The following SH3RF3 variants were observed in gnomAD, a reference collection of about 807,000 sequenced individuals.
SH3RF3 encodes E3 ubiquitin-protein ligase SH3RF3.
A neutral mutation model predicts 66.3 loss-of-function variants in SH3RF3; 29 were observed. That is an observed-to-expected ratio of 0.44 (90% CI 0.33 to 0.60). The LOEUF is 0.60. Ranked by LOEUF, SH3RF3 falls within the 20% of genes least tolerant of loss-of-function variation. SH3RF3 has a pLI of 0.04. For synonymous variants in SH3RF3, 583 were observed against 532.0 expected (o/e 1.10, Z -1.32); for missense variants, 1,194 against 1,190.9 (o/e 1.00, Z -0.04).
intron 7 of SH3RF3, among the ~76,000 whole-genome samples, chr2:109,447,892 A>G (rs1417569461): frequency 2.0e-5 from 3 of 152,220 alleles, no homozygotes; most frequent in Non-Finnish European, 4.4e-5. Flanking sequence ...CACAGTTGTA[A>G]GGTTCCAGTT....
At chr2:109,282,354 C>G (rs542921793) in intron 1 of SH3RF3, among the ~76,000 whole-genome samples, 2 of 152,212 alleles carry the variant, frequency 1.3e-5, no homozygotes, top group East Asian at 3.9e-4. Context: ...AAATCTACCC[C>G]AGGGGAAAAG....
intron 1 of SH3RF3, among the ~76,000 whole-genome samples, chr2:109,219,583 A>G (rs1175522622): frequency 6.6e-6 from 1 of 152,232 alleles, no homozygotes; most frequent in Admixed American, 6.5e-5. Context: ...TTTCAGAGCT[A>G]GTAAATGAAT....
chr2:109,435,399 T>C (rs1369881027), intron 6 of SH3RF3, among the ~76,000 whole-genome samples: 1 of 152,238 alleles, frequency 6.6e-6, no homozygotes, highest in Non-Finnish European at 1.5e-5. Context: ...CTGGCAGTGA[T>C]TGGAGGGTAG....
chr2:109,177,077 T>C (rs1036654815), intron 1 of SH3RF3, among the ~76,000 whole-genome samples: 5 of 152,106 alleles, frequency 3.3e-5, no homozygotes, highest in African/African-American at 1.2e-4. Context: ...TGTTCCAGAG[T>C]CTGAGACAAT....
intron 1 of SH3RF3, among the ~76,000 whole-genome samples, chr2:109,181,441 G>A (rs1309919394): frequency 1.3e-5 from 2 of 152,040 alleles, no homozygotes; most frequent in African/African-American, 2.4e-5. Context: ...GTTGCATCTG[G>A]CGCTGTAAGG....
intron 1 of SH3RF3, among the ~76,000 whole-genome samples, chr2:109,260,016 C>G (rs1680312232): frequency 6.6e-6 from 1 of 152,130 alleles, no homozygotes; most frequent in Non-Finnish European, 1.5e-5. Flanking sequence ...ATATCTTTTC[C>G]AAGTAGTAAT....
intron 1 of SH3RF3, among the ~76,000 whole-genome samples, chr2:109,344,131 A>G (rs1189085144): frequency 5.9e-5 from 9 of 152,132 alleles, no homozygotes; most frequent in East Asian, 1.9e-4. Context: ...TTAACAGCAT[A>G]TAGAGGGGAC....
intron 1 of SH3RF3, among the ~76,000 whole-genome samples, chr2:109,189,906 C>G (rs1678302336): frequency 1.3e-5 from 2 of 152,162 alleles, no homozygotes; most frequent in South Asian, 4.1e-4. Flanking sequence ...ACTTTCTGCA[C>G]TTGATTGCCT....
rs1440728118 is a variant in SH3RF3, at chr2:109,338,046, A to T, written c.574-9628A>T. Among the ~76,000 whole-genome samples the T allele has an allele frequency of 3.3e-5, 5 of 151,902 alleles. No homozygotes were observed. In the South Asian group the frequency reaches 1.0e-3, roughly 32 times the overall value. Reference sequence around the variant, plus strand: ...CGCGCCCAGGCTCCTTCTGTTTTTGATGGAGCTTGCCAGTCTGTGTGTCAT... The same window carrying T: ...CGCGCCCAGGCTCCTTCTGTTTTTGTTGGAGCTTGCCAGTCTGTGTGTCAT... On this transcript the variant is annotated intron_variant, in intron 1 of 9. Coordinates refer to ENST00000309415, the MANE Select transcript of SH3RF3 (RefSeq NM_001099289.3).
chr2:109,466,999 A>G (rs1678368413), intron 8 of SH3RF3, among the ~76,000 whole-genome samples: 1 of 152,228 alleles, frequency 6.6e-6, no homozygotes, highest in Non-Finnish European at 1.5e-5. Context: ...AAAGAGAGAA[A>G]GAGGCTGCAT....
intron 2 of SH3RF3, among the ~76,000 whole-genome samples, chr2:109,351,472 CTAT>C (rs1301541928): frequency 6.6e-6 from 1 of 152,232 alleles, no homozygotes; most frequent in Non-Finnish European, 1.5e-5. Flanking sequence ...GCAGCTAACT[CTAT>C]ATTGTCTTAC....
intron 1 of SH3RF3, among the ~76,000 whole-genome samples, chr2:109,158,466 C>T (rs1677404062): frequency 6.6e-6 from 1 of 152,158 alleles, no homozygotes; most frequent in Non-Finnish European, 1.5e-5. Context: ...CAGGTTCAGT[C>T]CCCCAAGGCT....
intron 1 of SH3RF3, among the ~76,000 whole-genome samples, chr2:109,242,272 C>G (rs547870807): frequency 6.6e-6 from 1 of 152,254 alleles, no homozygotes; most frequent in South Asian, 2.1e-4. Context: ...CATGGGTTCC[C>G]CCTAGCAGTT....
At chr2:109,344,003 C>G (rs915327917) in intron 1 of SH3RF3, among the ~76,000 whole-genome samples, 1 of 152,176 alleles carries the variant, frequency 6.6e-6, no homozygotes, top group Non-Finnish European at 1.5e-5. Context: ...CTCAGCCTCC[C>G]AAAGTGCTAA....
chr2:109,342,759 G>A (rs942063177), intron 1 of SH3RF3, among the ~76,000 whole-genome samples: 6 of 152,144 alleles, frequency 3.9e-5, no homozygotes, highest in Admixed American at 2.6e-4. Flanking sequence ...CGGAGATGGC[G>A]CCGTTGTGCC....
chr2:109,356,366 A>C (rs1682944283), intron 2 of SH3RF3, among the ~76,000 whole-genome samples: 1 of 152,220 alleles, frequency 6.6e-6, no homozygotes, highest in South Asian at 2.1e-4. Flanking sequence ...ACCACACTGC[A>C]GCTAGGTCTA....
At chr2:109,409,993 A>G (rs556015672) in intron 4 of SH3RF3, among the ~76,000 whole-genome samples, 1 of 152,172 alleles carries the variant, frequency 6.6e-6, no homozygotes, top group African/African-American at 2.4e-5. Flanking sequence ...GTGTCAAAGA[A>G]AGAGACTCGG....
At chr2:109,482,533 G>A (rs1678861162) in intron 8 of SH3RF3, among the ~76,000 whole-genome samples, 1 of 152,166 alleles carries the variant, frequency 6.6e-6, no homozygotes, top group Non-Finnish European at 1.5e-5. Context: ...TGACACCGTG[G>A]TGAACTTGGC....
chr2:109,269,329 T>C (rs1162897975), intron 1 of SH3RF3, among the ~76,000 whole-genome samples: 1 of 152,210 alleles, frequency 6.6e-6, no homozygotes, highest in Non-Finnish European at 1.5e-5. Flanking sequence ...AAACCTTGCC[T>C]TCCCCCCGGG....
Sources: allele counts gnomAD v4.1 joint callset (sites outside exome capture counted in the v4.1 genomes callset), GRCh38; gene constraint gnomAD v4.1.1; transcripts MANE v1.5; gene names NCBI Gene and HGNC (gene_info 2026-07-23, HGNC 2026-07-21).